CTPS1: variants seen among roughly 807,000 people sequenced by gnomAD.
CTPS1 encodes CTP synthase 1.
CTPS1 carries 25 observed loss-of-function variants against 80.5 expected under a neutral mutation model. The ratio of observed to expected loss-of-function variants is 0.31; its 90% CI spans 0.23 to 0.43. The LOEUF is 0.43. Ranked by LOEUF, CTPS1 falls within the 20% of genes least tolerant of loss-of-function variation. CTPS1 has a pLI of 1.00. For synonymous variants in CTPS1, 267 were observed against 252.5 expected (o/e 1.06, Z -0.54); for missense variants, 442 against 725.7 (o/e 0.61, Z 4.49).
chr1:41,004,418 A>G (rs918595368), intron 12 of CTPS1, among the ~76,000 whole-genome samples: 6 of 152,058 alleles, frequency 3.9e-5, no homozygotes, highest in Admixed American at 2.6e-4. Flanking sequence ...CTGAGTCCTG[A>G]GAGGCACTGT....
intron 16 of CTPS1, 47 bp from the exon 17 acceptor site, chr1:41,009,398 T>C: frequency 2.0e-6 from 3 of 1,513,572 alleles, no homozygotes; most frequent in Non-Finnish European, 2.7e-6. Context: ...TTACACTTTG[T>C]GCATAACCTT....
At chr1:40,997,365 T>C (rs758249860) in intron 8 of CTPS1, 29 bp from the exon 9 acceptor site, 12 of 1,606,042 alleles carry the variant, frequency 7.5e-6, no homozygotes, top group South Asian at 1.1e-5. Context: ...TTCTGAGTAA[T>C]TGGGTTTTTC....
At chr1:41,010,655 T>C (rs1256041487) in intron 18 of CTPS1, among the ~76,000 whole-genome samples, 1 of 152,210 alleles carries the variant, frequency 6.6e-6, no homozygotes, top group East Asian at 1.9e-4. Flanking sequence ...AAGGGACAGA[T>C]ACAACAATGT....
At chr1:40,986,221 C>T (rs552197921) in intron 3 of CTPS1, among the ~76,000 whole-genome samples, 1 of 152,356 alleles carries the variant, frequency 6.6e-6, no homozygotes, top group South Asian at 2.1e-4. Flanking sequence ...GGGAAAGCCA[C>T]TTTGGGCAGG....
chr1:41,009,024 G>T (rs533638559), intron 16 of CTPS1, 134 bp downstream of exon 16: 12 of 734,258 alleles, frequency 1.6e-5, no homozygotes, highest in Middle Eastern at 3.8e-4. Flanking sequence ...TGAGGGAAGG[G>T]GTCTTGATAA....
intron 4 of CTPS1, 110 bp from the exon 5 acceptor site, chr1:40,988,484 G>T: frequency 1.4e-6 from 1 of 728,268 alleles, no homozygotes; most frequent in Non-Finnish European, 2.5e-6. Context: ...TAGAGAGTCC[G>T]TGTTACATAA....
intron 18 of CTPS1, 134 bp downstream of exon 18, chr1:41,010,388 C>A (rs1643142110): frequency 3.1e-5 from 20 of 640,800 alleles, no homozygotes; most frequent in Admixed American, 8.1e-5. Context: ...TGAATATAAT[C>A]CAGAGGTTGA....
chr1:40,994,542 A>C (rs1642704820), intron 7 of CTPS1, among the ~76,000 whole-genome samples: 1 of 152,254 alleles, frequency 6.6e-6, no homozygotes, highest in African/African-American at 2.4e-5. Flanking sequence ...ATTCATCTAC[A>C]GCCTAGCAAC....
rs149139581 is a variant in CTPS1, at chr1:40,984,290, G to A, written c.167-531G>A. On this transcript the variant is annotated intron_variant, in intron 2 of 18. Coordinates refer to ENST00000650070, the MANE Select transcript of CTPS1 (RefSeq NM_001905.4). Reference sequence around the variant, plus strand: ...TCATTCTGGGCAAAATTTCTAGAGTGAAGTTTCATGGAATGAATGTGCAAC... The same window carrying A: ...TCATTCTGGGCAAAATTTCTAGAGTAAAGTTTCATGGAATGAATGTGCAAC... Among the ~76,000 whole-genome samples the A allele has an allele frequency of 1.4e-4, 22 of 152,334 alleles. 1 individual carries two copies. In the East Asian group the frequency reaches 4.2e-3, roughly 29 times the overall value.
rs576103457 is a variant in CTPS1 at position 40,983,266 on chromosome 1, T to A, written c.-13-12T>A. The A allele has an allele frequency of 1.2e-6, 2 of 1,606,062 alleles. No individual in the cohort carries two copies. Among genetic ancestry groups the A allele is most frequent in the Admixed American group, 3.4e-5 (2 of 58,916 alleles). On this transcript the variant is annotated splice_polypyrimidine_tract_variant and intron_variant, in intron 1 of 18. Transcript: ENST00000650070. ...ATACATTTATATCATCTGTAATTTT[T>A]CCTTCTTCCAGGTCAAAGAGTAAAA...
chr1:40,991,068 C>G, intron 5 of CTPS1, 97 bp from the exon 6 acceptor site: 3 of 820,484 alleles, frequency 3.7e-6, no homozygotes, highest in Non-Finnish European at 1.9e-6. Flanking sequence ...ACCAAATGAT[C>G]TATTTCCTTA....
At chr1:41,003,204 A>G (rs1378204403) in intron 12 of CTPS1, 28 bp downstream of exon 12, 8 of 1,613,188 alleles carry the variant, frequency 5.0e-6, no homozygotes, top group East Asian at 2.2e-5. Flanking sequence ...CACTCATTCA[A>G]TTCCCGCTTG....
chr1:40,997,544 G>A lies in CTPS1; in HGVS notation c.1005+18G>A. The A allele has an allele frequency of 6.2e-7, 1 of 1,612,634 alleles. No individual in the cohort carries two copies. Among genetic ancestry groups the A allele is most frequent in the South Asian group, 1.1e-5 (1 of 90,820 alleles). On this transcript the variant is annotated intron_variant, in intron 9 of 18. Transcript: ENST00000650070. ...AAATCAAGGTAAGGAGGGTGGCACAGGTACAGCCAAAGGATGAGCAGGGAA... is the reference window on the plus strand; with the variant it reads ...AAATCAAGGTAAGGAGGGTGGCACAAGTACAGCCAAAGGATGAGCAGGGAA...
At chr1:40,989,793 A>C (rs1372358349) in intron 5 of CTPS1, among the ~76,000 whole-genome samples, 2 of 152,222 alleles carry the variant, frequency 1.3e-5, no homozygotes, top group African/African-American at 4.8e-5. Context: ...TGGATGCTAT[A>C]AGAAAGAAAC....
chr1:40,999,447 C>A (rs1488383956), intron 9 of CTPS1, among the ~76,000 whole-genome samples: 1 of 151,884 alleles, frequency 6.6e-6, no homozygotes, highest in Non-Finnish European at 1.5e-5. Flanking sequence ...CAGACACTTC[C>A]AAAAAAAGAT....
chr1:40,994,653 CTTG>C (rs1384368083), intron 7 of CTPS1, among the ~76,000 whole-genome samples: 1 of 152,018 alleles, frequency 6.6e-6, no homozygotes, highest in Non-Finnish European at 1.5e-5. Context: ...GCAACCGCTT[CTTG>C]TTTTCTGGTT....
At chr1:40,984,597 TAAG>T (rs1214823378) in intron 2 of CTPS1, among the ~76,000 whole-genome samples, 1 of 152,238 alleles carries the variant, frequency 6.6e-6, no homozygotes, top group Non-Finnish European at 1.5e-5. Flanking sequence ...TAACTCTTCT[TAAG>T]AATGAGTTTG....
chr1:40,981,887 A>C (rs947730124), intron 1 of CTPS1: 36 of 826,496 alleles, frequency 4.4e-5, no homozygotes, highest in Admixed American at 5.5e-5. Context: ...GGGCGGGGGA[A>C]TGCTTCGAGC....
At chr1:40,980,611 C>A (rs989907476) in intron 1 of CTPS1, 5 of 152,258 alleles carry the variant, frequency 3.3e-5, no homozygotes, top group Admixed American at 3.3e-4. Context: ...GAGGTCTGCA[C>A]ACTAGTGATG....
Sources: allele counts gnomAD v4.1 joint callset (sites outside exome capture counted in the v4.1 genomes callset), GRCh38; gene constraint gnomAD v4.1.1; transcripts MANE v1.5; gene names NCBI Gene and HGNC (gene_info 2026-07-23, HGNC 2026-07-21).